TPRG1: variants seen among roughly 807,000 people sequenced by gnomAD.
TPRG1 encodes the protein tumor protein p63-regulated gene 1 protein.
TPRG1 carries 29 observed loss-of-function variants against 29.3 expected under a neutral mutation model. That is an observed-to-expected ratio of 0.99 (90% CI 0.74 to 1.35). The LOEUF (loss-of-function observed/expected upper bound fraction) is 1.35, where lower values mean the gene tolerates loss of function less well. Among genes scored for constraint, TPRG1 ranks in the 40% most tolerant of loss-of-function variants. TPRG1 has a pLI of 0.00. For synonymous variants in TPRG1, 130 were observed against 116.8 expected (o/e 1.11, Z -0.73); for missense variants, 327 against 335.0 (o/e 0.98, Z 0.19).
intron 1 of TPRG1, among the ~76,000 whole-genome samples, chr3:189,183,764 T>A (rs1730552158): frequency 1.3e-5 from 2 of 152,022 alleles, no homozygotes; most frequent in Non-Finnish European, 2.9e-5. Context: ...CAAACATTGT[T>A]GTTATCCTGT....
At chr3:189,109,503 G>C (rs1002867910) in intron 1 of TPRG1, among the ~76,000 whole-genome samples, 1 of 152,188 alleles carries the variant, frequency 6.6e-6, no homozygotes, top group African/African-American at 2.4e-5. Flanking sequence ...TTTTGGAGAA[G>C]CAGAGACAAA....
At chr3:189,240,431 AC>A (rs1426744592) in intron 4 of TPRG1, 4 of 152,294 alleles carry the variant, frequency 2.6e-5, no homozygotes, top group Non-Finnish European at 5.9e-5. Flanking sequence ...GTCCATTGTC[AC>A]GTTGCTGATA....
intron 4 of TPRG1, among the ~76,000 whole-genome samples, chr3:189,283,041 C>A (rs1392192641): frequency 1.3e-5 from 2 of 152,052 alleles, no homozygotes; most frequent in African/African-American, 4.8e-5. Context: ...TTATCATTAC[C>A]GAGTAAACCA....
chr3:189,251,712 C>T (rs914873276), intron 4 of TPRG1, among the ~76,000 whole-genome samples: 2 of 152,206 alleles, frequency 1.3e-5, no homozygotes, highest in African/African-American at 4.8e-5. Context: ...CATCTCAATG[C>T]CTTACAGAGC....
chr3:189,163,853 A>T (rs1182876287), intron 5 of TPRG1, among the ~76,000 whole-genome samples: 1 of 152,134 alleles, frequency 6.6e-6, no homozygotes, highest in African/African-American at 2.4e-5. Context: ...CTTGTCTAGC[A>T]GGGCAGTCCC....
At chr3:189,144,271 A>G (rs988661384) in intron 3 of TPRG1, among the ~76,000 whole-genome samples, 14 of 152,328 alleles carry the variant, frequency 9.2e-5, no homozygotes, top group Non-Finnish European at 1.3e-4. Flanking sequence ...TTTGTTTCCT[A>G]TAAGTGGACT....
At chr3:189,238,319 G>C (rs538097254) in intron 3 of TPRG1, among the ~76,000 whole-genome samples, 2 of 152,314 alleles carry the variant, frequency 1.3e-5, no homozygotes, top group South Asian at 4.1e-4. Flanking sequence ...TTCGTAGTGA[G>C]TAAATTTGTG....
intron 1 of TPRG1, among the ~76,000 whole-genome samples, chr3:189,105,444 T>A (rs897778677): frequency 6.6e-6 from 1 of 152,128 alleles, no homozygotes; most frequent in Non-Finnish European, 1.5e-5. Context: ...TTAGCTCTTT[T>A]TCATGCATTG....
At chr3:189,218,419 A>G (rs948050894) in intron 3 of TPRG1, among the ~76,000 whole-genome samples, 1 of 152,084 alleles carries the variant, frequency 6.6e-6, no homozygotes, top group Non-Finnish European at 1.5e-5. Flanking sequence ...CCCGGCCGAG[A>G]TTCTCTTTTA....
At chr3:189,227,922 G>A (rs1023509524) in intron 3 of TPRG1, among the ~76,000 whole-genome samples, 1 of 152,128 alleles carries the variant, frequency 6.6e-6, no homozygotes, top group East Asian at 1.9e-4. Context: ...AGGAGTTCGC[G>A]ACCAGCCTGG....
chr3:189,096,052 C>A (rs1484082988), upstream of TPRG1, among the ~76,000 whole-genome samples: 2 of 152,220 alleles, frequency 1.3e-5, no homozygotes, highest in Admixed American at 6.5e-5. Context: ...ACACTGCTAA[C>A]TGCATTCATG....
intron 4 of TPRG1, among the ~76,000 whole-genome samples, chr3:189,149,320 T>TA (rs893280685): frequency 3.0e-4 from 46 of 152,300 alleles, no homozygotes; most frequent in Middle Eastern, 3.4e-3. Context: ...GCAGCACAGA[T>TA]AATCTATGAT....
intron 5 of TPRG1, chr3:189,151,269 A>G (rs1725901448): frequency 6.6e-6 from 1 of 152,180 alleles, no homozygotes; most frequent in Admixed American, 6.5e-5. Flanking sequence ...TGAGTTTTCC[A>G]GATATAAGAT....
intron 4 of TPRG1, among the ~76,000 whole-genome samples, chr3:189,047,402 C>T (rs1474858455): frequency 6.6e-6 from 1 of 152,154 alleles, no homozygotes; most frequent in Non-Finnish European, 1.5e-5. Context: ...AAAATGGTAA[C>T]AATCATCTGA....
chr3:189,293,471 G>A (rs150242727), intron 4 of TPRG1, among the ~76,000 whole-genome samples: 164 of 152,132 alleles, frequency 1.1e-3, no homozygotes, highest in African/African-American at 3.7e-3. Flanking sequence ...AAGGTGTGGC[G>A]GGAAAGGGAG....
intron 1 of TPRG1, among the ~76,000 whole-genome samples, chr3:189,116,133 G>A (rs939748810): frequency 2.2e-4 from 33 of 151,978 alleles, no homozygotes; most frequent in African/African-American, 7.7e-4. Flanking sequence ...TTCTACTTTT[G>A]GATATATGTT....
intron 4 of TPRG1, among the ~76,000 whole-genome samples, chr3:189,307,932 C>A (rs899034164): frequency 2.6e-5 from 4 of 152,150 alleles, no homozygotes; most frequent in African/African-American, 9.7e-5. Context: ...TTGCTGTGAC[C>A]TTTGCAGTAG....
At chr3:189,137,689 G>A (rs1723948824) in intron 3 of TPRG1, among the ~76,000 whole-genome samples, 1 of 152,112 alleles carries the variant, frequency 6.6e-6, no homozygotes, top group South Asian at 2.1e-4. Flanking sequence ...AGAGAGGCAG[G>A]AGGCCTATTT....
chr3:189,306,983 A>G (rs1239137124), intron 4 of TPRG1, among the ~76,000 whole-genome samples: 3 of 152,206 alleles, frequency 2.0e-5, no homozygotes, highest in African/African-American at 7.2e-5. Flanking sequence ...TTAGGACTTT[A>G]ATTAACCCAT....
Sources: gnomAD v4.1 joint callset for allele counts (sites outside exome capture counted in the v4.1 genomes callset) on GRCh38, gnomAD v4.1.1 for gene constraint, MANE v1.5 for transcripts, NCBI Gene and HGNC (gene_info 2026-07-23, HGNC 2026-07-21) for gene names.